Variants in ELOVL6 observed in about 807,000 individuals in gnomAD.
ELOVL6 encodes ELOVL fatty acid elongase 6, also known as very long chain fatty acid elongase 6.
In ELOVL6, 8 loss-of-function variants were observed where a neutral mutation model predicts 31.7. The ratio of observed to expected loss-of-function variants is 0.25; its 90% CI spans 0.15 to 0.45. ELOVL6 has a LOEUF of 0.45. Ranked by LOEUF, ELOVL6 falls within the 20% of genes least tolerant of loss-of-function variation. The pLI is 1.00. For synonymous variants in ELOVL6, 101 were observed against 117.7 expected, an observed-to-expected ratio of 0.86 and a Z score of 0.92; for missense variants, 126 against 326.4, an observed-to-expected ratio of 0.39 and a Z score of 4.73.
intron 1 of ELOVL6, chr4:110,117,903 A>AAAAAAAAAAAATATATATATATAT: frequency 9.2e-4 from 6 of 6,502 alleles, no homozygotes; most frequent in Non-Finnish European, 1.1e-3. Flanking sequence ...AAAAAAAAAA[A>AAAAAAAAAAAATATATATATATAT]ATATATATAT....
intron 2 of ELOVL6, among the ~76,000 whole-genome samples, chr4:110,069,220 A>G (rs1287918507): frequency 6.6e-6 from 1 of 151,472 alleles, no homozygotes; most frequent in Admixed American, 6.6e-5. Context: ...CCCAAAAGAA[A>G]CAGAACACCT....
chr4:110,163,950 C>T (rs559801621), intron 1 of ELOVL6, among the ~76,000 whole-genome samples: 1 of 152,194 alleles, frequency 6.6e-6, no homozygotes, highest in South Asian at 2.1e-4. Flanking sequence ...GTTCTTAGCC[C>T]TGGTTGTGAC....
chr4:110,175,268 A>G (rs144117145), intron 1 of ELOVL6, among the ~76,000 whole-genome samples: 20 of 152,194 alleles, frequency 1.3e-4, no homozygotes, highest in African/African-American at 4.8e-4. Context: ...TTATAATCCC[A>G]GCTACACGGG....
intron 1 of ELOVL6, among the ~76,000 whole-genome samples, chr4:110,191,015 C>T (rs1312019440): frequency 6.6e-6 from 1 of 151,892 alleles, no homozygotes; most frequent in Non-Finnish European, 1.5e-5. Flanking sequence ...GACAGGGTTT[C>T]GCCACTTTGA....
At chr4:110,111,230 C>T (rs949753369) in intron 1 of ELOVL6, among the ~76,000 whole-genome samples, 2 of 152,078 alleles carry the variant, frequency 1.3e-5, no homozygotes, top group Non-Finnish European at 2.9e-5. Context: ...TTTTGTATTA[C>T]AACTGGACAT....
intron 2 of ELOVL6, among the ~76,000 whole-genome samples, chr4:110,084,313 CATAT>C (rs200586903): frequency 0.081 from 4,188 of 51,822 alleles, 521 homozygotes; most frequent in South Asian, 0.11. Flanking sequence ...TAACATATAA[CATAT>C]ATAAATTTGA....
intron 1 of ELOVL6, among the ~76,000 whole-genome samples, chr4:110,175,547 T>C (rs941420803): frequency 6.6e-6 from 1 of 152,104 alleles, no homozygotes; most frequent in Admixed American, 6.6e-5. Context: ...CTAAAACATA[T>C]ACAGCATCAG....
At chr4:110,082,527 A>T (rs1247041268) in intron 2 of ELOVL6, among the ~76,000 whole-genome samples, 1 of 152,036 alleles carries the variant, frequency 6.6e-6, no homozygotes, top group East Asian at 1.9e-4. Context: ...TCTCACTCAT[A>T]GGTGGGAATT....
chr4:110,054,466 T>C (rs765149065), intron 3 of ELOVL6, among the ~76,000 whole-genome samples: 1 of 152,182 alleles, frequency 6.6e-6, no homozygotes, highest in African/African-American at 2.4e-5. Context: ...GTAAAGAAGG[T>C]AGATGTCCAA....
intron 1 of ELOVL6, among the ~76,000 whole-genome samples, chr4:110,137,438 ACTTCCTACTGC>A (rs1434643904): frequency 1.3e-5 from 2 of 152,108 alleles, no homozygotes; most frequent in Non-Finnish European, 2.9e-5. Context: ...GGACAAACTC[ACTTCCTACTGC>A]CTGGTGAAGG....
At chr4:110,198,057 G>A (rs1280078670) in intron 1 of ELOVL6, 190 bp downstream of exon 1, 2 of 621,404 alleles carry the variant, frequency 3.2e-6, no homozygotes, top group East Asian at 5.6e-5. Flanking sequence ...GGCACCCACA[G>A]ACCTCGCGCT....
chr4:110,114,183 T>C (rs935605896), intron 1 of ELOVL6, among the ~76,000 whole-genome samples: 2 of 152,218 alleles, frequency 1.3e-5, no homozygotes, highest in East Asian at 1.9e-4. Context: ...GTGACTCTCC[T>C]GTCACCAAGC....
intron 2 of ELOVL6, among the ~76,000 whole-genome samples, chr4:110,062,596 C>G (rs901233449): frequency 1.3e-5 from 2 of 152,212 alleles, no homozygotes; most frequent in African/African-American, 4.8e-5. Context: ...GCTTTCCTTC[C>G]TCCCCAAGTT....
At chr4:110,076,245 A>G (rs1408362182) in intron 2 of ELOVL6, among the ~76,000 whole-genome samples, 2 of 152,248 alleles carry the variant, frequency 1.3e-5, no homozygotes, top group East Asian at 1.9e-4. Flanking sequence ...TGAAGAAAAG[A>G]GATAAACATT....
At chr4:110,160,531 T>C (rs879758229) in intron 1 of ELOVL6, among the ~76,000 whole-genome samples, 13 of 152,342 alleles carry the variant, frequency 8.5e-5, no homozygotes, top group African/African-American at 2.9e-4. Context: ...GTAAATAATT[T>C]GCATAGGCGT....
At chr4:110,161,612 G>A (rs759379175) in intron 1 of ELOVL6, among the ~76,000 whole-genome samples, 8 of 152,060 alleles carry the variant, frequency 5.3e-5, no homozygotes, top group East Asian at 1.9e-4. Flanking sequence ...GCAATTTCAC[G>A]GTTTAAAATG....
At chr4:110,125,021 T>C (rs962589585) in intron 1 of ELOVL6, among the ~76,000 whole-genome samples, 5 of 152,202 alleles carry the variant, frequency 3.3e-5, no homozygotes, top group Admixed American at 3.3e-4. Flanking sequence ...TATAGAGAAG[T>C]AAAACCTAAT....
At chr4:110,149,642 G>C (rs1758227256) in intron 1 of ELOVL6, among the ~76,000 whole-genome samples, 1 of 152,198 alleles carries the variant, frequency 6.6e-6, no homozygotes, top group African/African-American at 2.4e-5. Flanking sequence ...GATGATGGCA[G>C]GTTGCTTGGT....
At chr4:110,084,417 G>C (rs1301417315) in intron 2 of ELOVL6, among the ~76,000 whole-genome samples, 3 of 10,132 alleles carry the variant, frequency 3.0e-4, no homozygotes, top group Non-Finnish European at 6.4e-4. Context: ...TGACATACAT[G>C]ATATATCACA....
Sources: allele counts gnomAD v4.1 joint callset (sites outside exome capture counted in the v4.1 genomes callset), GRCh38; gene constraint gnomAD v4.1.1; transcripts MANE v1.5; gene names NCBI Gene and HGNC (gene_info 2026-07-23, HGNC 2026-07-21).